ME3: variants seen among roughly 807,000 people sequenced by gnomAD.
The protein encoded by ME3 is malic enzyme 3.
In ME3, 48 loss-of-function variants were observed where a neutral mutation model predicts 68.9. The observed-to-expected ratio is 0.70, with a 90% CI of 0.55 to 0.89. The LOEUF is 0.89. Ranked by LOEUF, ME3 falls within the 40% of genes least tolerant of loss-of-function variation. The pLI is 0.00. For synonymous variants in ME3, 320 were observed against 318.8 expected (o/e 1.00, Z -0.04); for missense variants, 675 against 797.4 (o/e 0.85, Z 1.85).
chr11:86,607,896 A>G (rs1245853943), intron 2 of ME3, among the ~76,000 whole-genome samples: 2 of 152,052 alleles, frequency 1.3e-5, no homozygotes, highest in Non-Finnish European at 2.9e-5. Context: ...CTTCAGAAAC[A>G]GAATGGGGCC....
At chr11:86,492,074 G>A (rs1031900015) in intron 6 of ME3, among the ~76,000 whole-genome samples, 6 of 152,362 alleles carry the variant, frequency 3.9e-5, no homozygotes, top group Non-Finnish European at 7.3e-5. Context: ...GGGGCTCTAG[G>A]CTTTCAAATC....
intron 2 of ME3, 41 bp downstream of exon 2, chr11:86,671,721 C>T: frequency 1.3e-6 from 2 of 1,589,622 alleles, no homozygotes; most frequent in Admixed American, 1.8e-5. Flanking sequence ...CCGGCAGCCA[C>T]GGGATCGCAA....
chr11:86,507,875 C>T (rs1009304252), intron 5 of ME3, among the ~76,000 whole-genome samples: 2 of 151,428 alleles, frequency 1.3e-5, no homozygotes, highest in East Asian at 2.0e-4. Flanking sequence ...GTCCCAGCTA[C>T]GGGGGAGGCT....
chr11:86,650,923 G>C (rs1208545817), intron 2 of ME3, among the ~76,000 whole-genome samples: 7 of 152,218 alleles, frequency 4.6e-5, no homozygotes, highest in Non-Finnish European at 8.8e-5. Context: ...AACGGTCTTA[G>C]CCAACGGCAC....
chr11:86,628,884 A>G (rs1594721809), intron 2 of ME3, among the ~76,000 whole-genome samples: 1 of 152,212 alleles, frequency 6.6e-6, no homozygotes, highest in African/African-American at 2.4e-5. Context: ...CATGGAGAGA[A>G]ACGTCTAAAT....
intron 7 of ME3, among the ~76,000 whole-genome samples, chr11:86,468,958 A>G (rs1565820289): frequency 6.6e-6 from 1 of 152,150 alleles, no homozygotes; most frequent in Non-Finnish European, 1.5e-5. Context: ...CTCACAGGCT[A>G]TGTACTCTAT....
At chr11:86,560,859 C>G (rs1211267828) in intron 2 of ME3, among the ~76,000 whole-genome samples, 1 of 150,400 alleles carries the variant, frequency 6.6e-6, no homozygotes, top group Non-Finnish European at 1.5e-5. Flanking sequence ...TCCCAGATGT[C>G]CCTTGTTTTT....
At chr11:86,641,774 C>G (rs1444135016) in intron 2 of ME3, among the ~76,000 whole-genome samples, 1 of 152,120 alleles carries the variant, frequency 6.6e-6, no homozygotes, top group Non-Finnish European at 1.5e-5. Context: ...GAGTCATACC[C>G]TGTGACAAAT....
chr11:86,671,727 C>A, intron 2 of ME3, 35 bp downstream of exon 2: 2 of 1,591,848 alleles, frequency 1.3e-6, no homozygotes, highest in South Asian at 1.1e-5. Context: ...GCCACGGGAT[C>A]GCAACGCGGG....
chr11:86,437,457 A>G (rs1461818589), downstream of ME3, among the ~76,000 whole-genome samples: 2 of 152,100 alleles, frequency 1.3e-5, no homozygotes, highest in East Asian at 3.8e-4. Context: ...GAGATCCTTT[A>G]CATTACCATA....
intron 2 of ME3, among the ~76,000 whole-genome samples, chr11:86,566,918 G>A (rs915016186): frequency 1.8e-4 from 28 of 151,816 alleles, no homozygotes; most frequent in African/African-American, 6.5e-4. Flanking sequence ...AGAAAGGAGT[G>A]GATAAAAAAA....
At chr11:86,659,190 C>G (rs1198753322) in intron 2 of ME3, among the ~76,000 whole-genome samples, 1 of 152,202 alleles carries the variant, frequency 6.6e-6, no homozygotes, top group Non-Finnish European at 1.5e-5. Flanking sequence ...GGAGCTACCT[C>G]AACAGATGCT....
intron 2 of ME3, among the ~76,000 whole-genome samples, chr11:86,579,496 G>A (rs1375103677): frequency 6.6e-6 from 1 of 152,190 alleles, no homozygotes; most frequent in Non-Finnish European, 1.5e-5. Flanking sequence ...CAAGCTCCCT[G>A]AGTGTCATGT....
rs1594186584 is a variant in ME3, at chr11:86,497,951, G to A, written c.705+12C>T. On this transcript the variant is annotated intron_variant, in intron 6 of 14. Transcript: ENST00000543262. ...TTTGGCCCCAGAGCTCCTGCCCTGG[G>A]CAGTGGGTTACCTCATTGTTGGTGC... 1 of 1,586,176 alleles carries A rather than the reference G, an allele frequency of 6.3e-7. No individual in the cohort carries two copies. The highest frequency in any genetic ancestry group is 1.2e-5 in the South Asian group (1 of 86,776).
At chr11:86,528,568 G>A (rs190640102) in intron 4 of ME3, among the ~76,000 whole-genome samples, 25,415 of 151,750 alleles carry the variant, frequency 0.17, 2,331 homozygotes, top group African/African-American at 0.24. Context: ...TTTCAGCACC[G>A]TGCCACACCT....
chr11:86,557,891 G>A (rs903717718), intron 3 of ME3, among the ~76,000 whole-genome samples: 7 of 151,920 alleles, frequency 4.6e-5, no homozygotes, highest in Non-Finnish European at 7.4e-5. Context: ...TTCCTATCCC[G>A]CCCCTCACCC....
chr11:86,596,931 G>A (rs1466493788), intron 2 of ME3, among the ~76,000 whole-genome samples: 1 of 152,184 alleles, frequency 6.6e-6, no homozygotes, highest in Non-Finnish European at 1.5e-5. Context: ...AGGTTGTGGA[G>A]AACAGTCAAA....
intron 2 of ME3, among the ~76,000 whole-genome samples, chr11:86,629,016 T>C (rs7126717): frequency 0.074 from 11,283 of 152,252 alleles, 587 homozygotes; most frequent in East Asian, 0.17. Context: ...CATTAACAAT[T>C]CCAATTAAAC....
At chr11:86,611,549 A>C (rs1393421257) in intron 2 of ME3, among the ~76,000 whole-genome samples, 1 of 143,012 alleles carries the variant, frequency 7.0e-6, no homozygotes, top group Non-Finnish European at 1.5e-5. Context: ...TCAAATCATC[A>C]CATTGTACAT....
Sources: gnomAD v4.1 joint callset for allele counts (sites outside exome capture counted in the v4.1 genomes callset) on GRCh38, gnomAD v4.1.1 for gene constraint, MANE v1.5 for transcripts, NCBI Gene and HGNC (gene_info 2026-07-23, HGNC 2026-07-21) for gene names.